The following B4GALNT4 variants were observed in gnomAD, a reference collection of about 807,000 sequenced individuals.
B4GALNT4 encodes the protein beta-1,4-N-acetyl-galactosaminyltransferase 4.
B4GALNT4 carries 77 observed loss-of-function variants against 110.0 expected under a neutral mutation model. That is an observed-to-expected ratio of 0.70 (90% CI 0.58 to 0.85). B4GALNT4 has a LOEUF of 0.85. Ranked by LOEUF, B4GALNT4 falls within the 40% of genes least tolerant of loss-of-function variation. The pLI is 0.00. For missense variants in B4GALNT4, 1,575 were observed against 1,506.0 expected (o/e 1.05, Z -0.76); for synonymous variants, 785 against 655.5 (o/e 1.20, Z -3.02).
In B4GALNT4 at chr11:375,964, C is replaced by T. The variant is rs531987820; in HGVS notation, c.1095+8C>T. 30 of 1,609,970 alleles carry T rather than the reference C, an allele frequency of 1.9e-5. No homozygotes were observed. Among genetic ancestry groups the T allele is most frequent in the South Asian group, 5.5e-5 (5 of 90,810 alleles). ...TACCAGGGCCTGCAATTTGTGAGTG[C>T]GGCTGGAGACCCCGTCTCCCGTCCG... On this transcript the variant is annotated splice_region_variant and intron_variant, in intron 11 of 19. Coordinates refer to ENST00000329962, the MANE Select transcript of B4GALNT4 (RefSeq NM_178537.5).
At chr11:370,153 G>C (rs373524721) in intron 1 of B4GALNT4, among the ~76,000 whole-genome samples, 199 bp downstream of exon 1, 15 of 151,792 alleles carry the variant, frequency 9.9e-5, no homozygotes, top group East Asian at 3.9e-4. Context: ...CTGCGATTTG[G>C]GGGGAGGGGG....
At position 376,240 on chromosome 11, in the gene B4GALNT4, C is replaced by A; in HGVS notation, c.1197-11C>A. Reference sequence around the variant, plus strand: ...GGCGGGACTCGGCTCTGATGCCCCGCCGCGCCCCAGGTTTGGGTTCTATAA... The same window carrying A: ...GGCGGGACTCGGCTCTGATGCCCCGACGCGCCCCAGGTTTGGGTTCTATAA... On this transcript the variant is annotated splice_polypyrimidine_tract_variant and intron_variant, in intron 12 of 19. Transcript: ENST00000329962. 6.2e-7 allele frequency: 1 copy of A among 1,606,744 alleles called. No individual in the cohort carries two copies.
In B4GALNT4 at chr11:376,268, A is replaced by T. The variant is rs201456025; in HGVS notation, c.1214A>T (p.Tyr405Phe). The change falls in exon 13 of 20, where the codon TAC becomes TTC. Residue 405 changes from tyrosine (Y) to phenylalanine (F), a missense_variant. Physicochemically the swap from Tyr to Phe is conservative, Grantham distance 22. Transcript: ENST00000329962. ...CGCCCCAGGTTTGGGTTCTATAAAT[A>T]CATGAAGATGGACAAGGAGGAGGGG... ...LYLERFGFYKYMKMDKEEGDE... is the reference protein window; with the variant it reads ...LYLERFGFYKFMKMDKEEGDE... 1 of 1,609,584 alleles carries T rather than the reference A, an allele frequency of 6.2e-7. No individual in the cohort carries two copies. The highest frequency in any genetic ancestry group is 2.2e-5 in the East Asian group (1 of 44,736).
At position 373,122 on chromosome 11, in the gene B4GALNT4, G is replaced by A; in HGVS notation, c.535+6G>A. 6.2e-7 allele frequency: 1 copy of A among 1,612,608 alleles called. No individual in the cohort carries two copies. Among genetic ancestry groups the A allele is most frequent in the Non-Finnish European group, 8.5e-7 (1 of 1,179,890 alleles). The stretch of plus-strand genomic sequence containing the variant: ...CATCCACCCGGCGAGGGACGGTACG[G>A]GGGTGAGGGTGCCCCGGGGGAGGGG... On this transcript the variant is annotated splice_donor_region_variant and intron_variant, in intron 5 of 19. Coordinates refer to ENST00000329962, the MANE Select transcript of B4GALNT4 (RefSeq NM_178537.5).
At chr11:372,278 G>A in intron 2 of B4GALNT4, 66 bp downstream of exon 2, 1 of 1,444,262 alleles carries the variant, frequency 6.9e-7, no homozygotes, top group Non-Finnish European at 9.5e-7. Context: ...TTGTGTGTTG[G>A]TGTCTTGAGA....
In B4GALNT4 at chr11:377,283, C is replaced by T. The variant is rs1336733668; in HGVS notation, c.2160C>T (p.Asp720=). The change falls in exon 14 of 20, where the codon GAC becomes GAT. Residue 720 remains aspartate, a synonymous_variant. Transcript: ENST00000329962. ...AGCTGCCGGAGGCGGAGGCCGTGGA[C>T]GTGACCGCTCAGTACATGGAGCGGC... ...NLQLPEAEAV[D]VTAQYMERLN... 18 of 1,589,890 alleles carry T rather than the reference C, an allele frequency of 1.1e-5. No individual in the cohort carries two copies. The highest frequency in any genetic ancestry group is 8.8e-5 in the Admixed American group (5 of 56,882).
rs1172023047 is a variant in B4GALNT4 at position 374,589 on chromosome 11, G to GT, written c.783+762dup. 5.6e-5 allele frequency among the ~76,000 whole-genome samples: 7 copies of GT among 125,642 alleles called. No individual in the cohort carries two copies. In the East Asian group the frequency reaches 1.6e-3, roughly 29 times the overall value. 82.4% of individuals were successfully genotyped at this position (125,642 alleles called of 152,430 possible). A position where few individuals can be genotyped will look rare whatever the true frequency, so the allele number is the denominator to read the frequency against. Reference sequence around the variant, plus strand: ...GGAGCCCCAACTTGGTGGGGGTAGAGTGGGGGGGGCATCCAGCCTGGCCCT... The same window carrying GT: ...GGAGCCCCAACTTGGTGGGGGTAGAGTTGGGGGGGGCATCCAGCCTGGCCCT... On this transcript the variant is annotated intron_variant, in intron 8 of 19. Coordinates refer to ENST00000329962, the MANE Select transcript of B4GALNT4 (RefSeq NM_178537.5).
chr11:377,739 GC>G (rs2133576563), intron 14 of B4GALNT4, among the ~76,000 whole-genome samples: 1 of 152,346 alleles, frequency 6.6e-6, no homozygotes, highest in East Asian at 1.9e-4. Context: ...AGACCCCTGG[GC>G]CCCTCCTCCT....
In B4GALNT4 at chr11:376,861, G is replaced by T; in HGVS notation, c.1738G>T (p.Gly580Cys). The T allele has an allele frequency of 1.5e-6, 2 of 1,323,624 alleles. No individual in the cohort carries two copies. The highest frequency in any genetic ancestry group is 1.9e-6 in the Non-Finnish European group (2 of 1,039,478). 82.0% of individuals were successfully genotyped at this position (1,323,624 alleles called of 1,614,324 possible). Residue 580 changes from glycine (G) to cysteine (C), a missense_variant, in exon 14 of 20, where the codon GGC becomes TGC. Transcript: ENST00000329962. ...RPPRPHGRRTGGPQATQPRPP... is the reference protein window; with the variant it reads ...RPPRPHGRRTCGPQATQPRPP... ...ACCCCGGCCCCACGGCCGCAGGACCGGCGGCCCCCAGGCCACACAGCCGAG... is the reference window on the plus strand; with the variant it reads ...ACCCCGGCCCCACGGCCGCAGGACCTGCGGCCCCCAGGCCACACAGCCGAG...
chr11:380,434 G>A lies in B4GALNT4; in HGVS notation c.2858G>A (p.Arg953Gln), dbSNP rs1369692089. 4 of 1,601,662 alleles carry A rather than the reference G, an allele frequency of 2.5e-6. No individual in the cohort carries two copies. Among genetic ancestry groups the A allele is most frequent in the African/African-American group, 1.3e-5 (1 of 74,612 alleles). The change falls in exon 18 of 20, where the codon CGG becomes CAG. Residue 953 changes from arginine to glutamine, a missense_variant. Arg to Gln is a conservative substitution (Grantham distance 43). Coordinates refer to ENST00000329962, the MANE Select transcript of B4GALNT4 (RefSeq NM_178537.5). ...VMRLSCGSSP[R>Q]DPHGYWEVNG... is the part of the protein sequence containing the mutation. ...CGCCTGAGCTGCGGGAGCTCGCCCC[G>A]GGACCCCCACGGTGAGGCCCCGAGC...
rs776041206 is a variant in B4GALNT4, at chr11:376,710, G to T, written c.1587G>T (p.Arg529Ser). The part of the protein sequence containing the change: ...EQPPPKVYVT[R>S]VRPGQRASPR... ...CGCCCCCAAAGGTGTACGTGACCAGGGTGCGGCCGGGACAGCGGGCATCCC... is the reference window on the plus strand; with the variant it reads ...CGCCCCCAAAGGTGTACGTGACCAGTGTGCGGCCGGGACAGCGGGCATCCC... The change falls in exon 14 of 20, where the codon AGG becomes AGT. Residue 529 changes from arginine (R) to serine (S), a missense_variant. Physicochemically the swap from Arg to Ser is moderately radical, Grantham distance 110 (BLOSUM62 -1). Transcript: ENST00000329962. 1.4e-6 allele frequency: 2 copies of T among 1,411,822 alleles called. No homozygotes were observed. The highest frequency in any genetic ancestry group is 1.8e-6 in the Non-Finnish European group (2 of 1,088,784). 87.5% of individuals were successfully genotyped at this position (1,411,822 alleles called of 1,614,324 possible). A position where few individuals can be genotyped will look rare whatever the true frequency, so the allele number is the denominator to read the frequency against.
chr11:379,863 C>T lies in B4GALNT4; in HGVS notation c.2489-3C>T. 1 of 1,589,240 alleles carries T rather than the reference C, an allele frequency of 6.3e-7. No individual in the cohort carries two copies. On this transcript the variant is annotated splice_region_variant and splice_polypyrimidine_tract_variant and intron_variant, in intron 15 of 19. Transcript: ENST00000329962. ...AGCGCCCCCCCCGCCTTTTCTCCTC[C>T]AGTGAAAAACCAGGCACGGTGGGTG... is the stretch of plus-strand genomic sequence containing the variant.
Position 376,774 on chromosome 11 carries a change from C to T in B4GALNT4, c.1651C>T (p.Pro551Ser). Reference protein sequence around the residue: ...PAPRAPWPPFPGVFLHPRPLP... With the variant: ...PAPRAPWPPFSGVFLHPRPLP... ...GCCGCGTGCGCCCTGGCCGCCCTTC[C>T]CTGGCGTCTTCCTGCACCCCAGGCC... The change falls in exon 14 of 20, where the codon CCT (proline) becomes TCT (serine). Residue 551 changes from proline (P) to serine (S), a missense_variant. Transcript: ENST00000329962. The T allele has an allele frequency of 2.2e-6, 3 of 1,387,030 alleles. No individual in the cohort carries two copies. Among genetic ancestry groups the T allele is most frequent in the Non-Finnish European group, 2.8e-6 (3 of 1,073,390 alleles). 85.9% of individuals were successfully genotyped at this position (1,387,030 alleles called of 1,614,324 possible).
chr11:377,795 G>A (rs10751657), intron 14 of B4GALNT4, among the ~76,000 whole-genome samples: 59,995 of 152,126 alleles, frequency 0.39, 12,964 homozygotes, highest in African/African-American at 0.57. Context: ...GTCAGGACCC[G>A]ACTGCAGAGG....
At position 376,149 on chromosome 11, in the gene B4GALNT4, C is replaced by T. The variant is rs1590339526; in HGVS notation, c.1171C>T (p.Arg391Cys). 2 of 1,523,862 alleles carry T rather than the reference C, an allele frequency of 1.3e-6. No individual in the cohort carries two copies. The highest frequency in any genetic ancestry group is 1.1e-5 in the South Asian group (1 of 89,490). 94.4% of individuals were successfully genotyped at this position (1,523,862 alleles called of 1,614,324 possible). Reference sequence around the variant, plus strand: ...GGAGACGGACAACAAGTGCTTCTACCGCGAGTCTCCGCTGTATCTGGAGAG... The same window carrying T: ...GGAGACGGACAACAAGTGCTTCTACTGCGAGTCTCCGCTGTATCTGGAGAG... ...HMETDNKCFY[R>C]ESPLYLERFG... Residue 391 changes from arginine to cysteine, a missense_variant, in exon 12 of 20, where the codon CGC (arginine) becomes TGC (cysteine). Coordinates refer to ENST00000329962, the MANE Select transcript of B4GALNT4 (RefSeq NM_178537.5).
In B4GALNT4 at chr11:376,190, G is replaced by T. The variant is rs748618786; in HGVS notation, c.1196+16G>T. ...ATCTGGAGAGGTGGGCGCGCGGCCG[G>T]GCTAATGCGGGGCGGGGTGGGCGGG... On this transcript the variant is annotated intron_variant, in intron 12 of 19. Transcript: ENST00000329962. The T allele has an allele frequency of 2.5e-6, 4 of 1,589,284 alleles. No individual in the cohort carries two copies. Among genetic ancestry groups the T allele is most frequent in the Non-Finnish European group, 2.6e-6 (3 of 1,162,242 alleles).
In B4GALNT4 at chr11:377,003, C is replaced by T. The variant is rs760590226; in HGVS notation, c.1880C>T (p.Ser627Phe). 16 of 1,448,820 alleles carry T rather than the reference C, an allele frequency of 1.1e-5. No homozygotes were observed. Among genetic ancestry groups the T allele is most frequent in the South Asian group, 7.4e-5 (5 of 67,808 alleles). 89.7% of individuals were successfully genotyped at this position (1,448,820 alleles called of 1,614,324 possible). A position where few individuals can be genotyped will look rare whatever the true frequency, so the allele number is the denominator to read the frequency against. ...TCCTCCGAAGCGCGGCCCGTGACCT[C>T]CTTCCTGAGCTTGTCCCAGGTGTCC... is the stretch of plus-strand genomic sequence containing the variant. Reference protein sequence around the residue: ...NLSSEARPVTSFLSLSQVSGP... With the variant: ...NLSSEARPVTFFLSLSQVSGP... Residue 627 changes from serine (S) to phenylalanine (F), a missense_variant, in exon 14 of 20, where the codon TCC becomes TTC. Physicochemically the swap from Ser to Phe is radical, Grantham distance 155 (BLOSUM62 -2). Coordinates refer to ENST00000329962, the MANE Select transcript of B4GALNT4 (RefSeq NM_178537.5).
chr11:370,346 C>T (rs1027699263), intron 1 of B4GALNT4, among the ~76,000 whole-genome samples: 1 of 152,138 alleles, frequency 6.6e-6, no homozygotes, highest in Non-Finnish European at 1.5e-5. Flanking sequence ...TCAGGCCTCG[C>T]CTCCACCCCC....
At chr11:373,152 G>A (rs201903453) in intron 5 of B4GALNT4, 36 bp downstream of exon 5, 231 of 1,612,030 alleles carry the variant, frequency 1.4e-4, no homozygotes, top group South Asian at 5.4e-4. Context: ...GAGGGGTGCC[G>A]TGAGGCTCCA....
Sources: allele counts gnomAD v4.1 joint callset (sites outside exome capture counted in the v4.1 genomes callset), GRCh38; gene constraint gnomAD v4.1.1; transcripts MANE v1.5; gene names NCBI Gene and HGNC (gene_info 2026-07-23, HGNC 2026-07-21).